Variants in PARP8 observed in about 807,000 individuals in gnomAD.
The protein encoded by PARP8 is poly(ADP-ribose) polymerase family member 8.
A neutral mutation model predicts 124.1 loss-of-function variants in PARP8; 51 were observed. The ratio of observed to expected loss-of-function variants is 0.41; its 90% CI spans 0.33 to 0.52. The LOEUF is 0.52. PARP8 is among the 20% of genes least tolerant of loss of function. The pLI is 0.21. For missense variants in PARP8, 860 were observed against 1,018.9 expected (o/e 0.84, Z 2.12); for synonymous variants, 391 against 361.5 (o/e 1.08, Z -0.93).
At chr5:50,825,144 ACT>A (rs1478955451) in intron 18 of PARP8, among the ~76,000 whole-genome samples, 169 bp downstream of exon 18, 1 of 152,092 alleles carries the variant, frequency 6.6e-6, no homozygotes, top group Non-Finnish European at 1.5e-5. Flanking sequence ...GTCCTTAATG[ACT>A]CTCACTTTAA....
rs149943672 is a variant in PARP8 at position 50,760,423 on chromosome 5, G to A, written c.345+61G>A. 5.9e-4 allele frequency: 718 copies of A among 1,219,480 alleles called. 3 individuals are homozygous for A. In the African/African-American group the frequency reaches 0.01, roughly 17 times the overall value. 75.5% of individuals were successfully genotyped at this position (1,219,480 alleles called of 1,614,324 possible). ...TATAGATATATTTAAAATTTACTGG[G>A]TTTTTGTAGTTAATAGCATCATTAG... On this transcript the variant is annotated intron_variant, in intron 5 of 25. Transcript: ENST00000281631.
At chr5:50,802,657 T>A (rs1335836131) in intron 14 of PARP8, among the ~76,000 whole-genome samples, 3 of 152,130 alleles carry the variant, frequency 2.0e-5, no homozygotes, top group African/African-American at 7.2e-5. Context: ...TAGTTTCAAC[T>A]CCACTCCCAG....
At chr5:50,838,215 A>G (rs751349577) in intron 25 of PARP8, among the ~76,000 whole-genome samples, 1 of 152,090 alleles carries the variant, frequency 6.6e-6, no homozygotes, top group Non-Finnish European at 1.5e-5. Context: ...TTATACATCA[A>G]AGAGACTCGA....
In PARP8 at chr5:50,739,224, C is replaced by T. The variant is rs141149138; in HGVS notation, c.147-10927C>T. 1.5e-3 allele frequency: 896 copies of T among 585,330 alleles called. 1 individual carries two copies. Among genetic ancestry groups the T allele is most frequent in the African/African-American group, 0.01 (550 of 54,964 alleles). 36.3% of individuals were successfully genotyped at this position (585,330 alleles called of 1,614,324 possible). A position where few individuals can be genotyped will look rare whatever the true frequency, so the allele number is the denominator to read the frequency against. ...GGATCTGTTATCCTGATGGCTTATC[C>T]AGTCATTCAGTCTTCCTCTCCACCT... On this transcript the variant is annotated intron_variant, in intron 2 of 25. Coordinates refer to ENST00000281631, the MANE Select transcript of PARP8 (RefSeq NM_024615.4).
At chr5:50,791,190 C>T (rs1741914003) in intron 10 of PARP8, among the ~76,000 whole-genome samples, 1 of 152,050 alleles carries the variant, frequency 6.6e-6, no homozygotes, top group South Asian at 2.1e-4. Flanking sequence ...TTTCAGACAG[C>T]AGAATAATTT....
At chr5:50,765,118 G>A (rs575975711) in intron 7 of PARP8, among the ~76,000 whole-genome samples, 11 of 151,870 alleles carry the variant, frequency 7.2e-5, no homozygotes, top group African/African-American at 1.7e-4. Context: ...AAAATTAGCC[G>A]GGCATGGTGA....
chr5:50,774,115 A>G (rs1384583111), intron 7 of PARP8, among the ~76,000 whole-genome samples: 2 of 152,176 alleles, frequency 1.3e-5, no homozygotes, highest in African/African-American at 4.8e-5. Context: ...TTTAACCCTG[A>G]GTTGACACAG....
chr5:50,816,798 T>G (rs1745154194), intron 15 of PARP8, among the ~76,000 whole-genome samples: 1 of 152,176 alleles, frequency 6.6e-6, no homozygotes, highest in East Asian at 1.9e-4. Flanking sequence ...AGAGGGTTAC[T>G]AAAATATATC....
intron 1 of PARP8, chr5:50,667,812 T>A: frequency 3.7e-6 from 4 of 1,084,168 alleles, no homozygotes; most frequent in Non-Finnish European, 4.1e-6. Context: ...TGAGGCTGCT[T>A]CCGGCCTCCC....
At position 50,709,922 on chromosome 5, in the gene PARP8, GTATATATATATA is replaced by G. The variant is rs200521595; in HGVS notation, c.147-40206_147-40195del. On this transcript the variant is annotated intron_variant, in intron 2 of 25. Coordinates refer to ENST00000281631, the MANE Select transcript of PARP8 (RefSeq NM_024615.4). ...TATGAGAATATGAGGTAGAAAGAGT[GTATATATATATA>G]TATATATATATATATATATATACAC... Among the ~76,000 whole-genome samples the G allele has an allele frequency of 4.2e-3, 398 of 93,924 alleles. 5 individuals carry two copies. Among genetic ancestry groups the G allele is most frequent in the African/African-American group, 0.012 (301 of 24,848 alleles). 61.6% of individuals were successfully genotyped at this position (93,924 alleles called of 152,430 possible).
At chr5:50,728,838 A>C (rs1056249717) in intron 2 of PARP8, among the ~76,000 whole-genome samples, 12 of 152,126 alleles carry the variant, frequency 7.9e-5, no homozygotes, top group African/African-American at 2.9e-4. Context: ...TTGTATAATA[A>C]ATATTTTAGA....
In PARP8 at chr5:50,846,139, A is replaced by G. The variant is rs139546427; in HGVS notation, c.*4071A>G. 3.4e-4 allele frequency: 52 copies of G among 151,890 alleles called. 1 individual carries two copies. The East Asian group carries it at 7.2e-3, about 21-fold the overall frequency. The allele number at this position is 151,890 out of a possible 1,614,324, so 9.4% of individuals were successfully genotyped here. On this transcript the variant is annotated 3_prime_UTR_variant, in exon 26 of 26. Transcript: ENST00000281631. ...TATAATTTAATGTTCTAAAAATAAT[A>G]TCTTCGATCTGCCCAATATTTAATG...
chr5:50,773,072 A>G (rs1761791707), intron 7 of PARP8, among the ~76,000 whole-genome samples: 2 of 152,112 alleles, frequency 1.3e-5, no homozygotes, highest in South Asian at 4.1e-4. Flanking sequence ...TGAGTTCCTT[A>G]TATATTCTTG....
chr5:50,705,437 A>G (rs1279150484), intron 2 of PARP8, among the ~76,000 whole-genome samples: 1 of 152,166 alleles, frequency 6.6e-6, no homozygotes, highest in Non-Finnish European at 1.5e-5. Flanking sequence ...TGGTAAAATA[A>G]GAAGATATAA....
rs770387579 is a variant in PARP8 at position 50,795,299 on chromosome 5, C to T, written c.1310C>T (p.Pro437Leu). The T allele has an allele frequency of 1.1e-5, 18 of 1,614,110 alleles. No homozygotes were observed. The highest frequency in any genetic ancestry group is 1.5e-5 in the Non-Finnish European group (18 of 1,180,012). ...KLLSKSYSSAPKSSKTELFKE... is the reference protein window; with the variant it reads ...KLLSKSYSSALKSSKTELFKE... ...CTCAGCAAGTCCTACTCCAGTGCCC[C>T]CAAGTCATCCAAAACTGAGCTTTTC... The change falls in exon 12 of 26, where the codon CCC becomes CTC. Residue 437 changes from proline to leucine, a missense_variant. By Grantham distance (98) the Pro-to-Leu change is moderately conservative. Transcript: ENST00000281631.
intron 1 of PARP8, chr5:50,667,590 T>A (rs1008827835): frequency 1.4e-6 from 1 of 699,336 alleles, no homozygotes; most frequent in Admixed American, 2.0e-5. Flanking sequence ...CCTGCTGCGC[T>A]GCGCTGCGCT....
At chr5:50,832,932 C>A in intron 23 of PARP8, 78 bp downstream of exon 23, 2 of 1,304,926 alleles carry the variant, frequency 1.5e-6, no homozygotes, top group Non-Finnish European at 2.2e-6. Flanking sequence ...GAAAAATAGG[C>A]TTTTTAAGTC....
intron 25 of PARP8, among the ~76,000 whole-genome samples, chr5:50,840,624 T>C (rs1420586539): frequency 6.6e-6 from 1 of 151,752 alleles, no homozygotes; most frequent in Admixed American, 6.6e-5. Flanking sequence ...TGGGTGATAG[T>C]TAAAACTTGA....
intron 2 of PARP8, among the ~76,000 whole-genome samples, chr5:50,719,650 A>C (rs752252738): frequency 6.6e-6 from 1 of 151,928 alleles, no homozygotes; most frequent in Admixed American, 6.6e-5. Context: ...GCATGGATTT[A>C]TTTCTGGGTT....
Sources: allele counts gnomAD v4.1 joint callset (sites outside exome capture counted in the v4.1 genomes callset), GRCh38; gene constraint gnomAD v4.1.1; transcripts MANE v1.5; gene names NCBI Gene and HGNC (gene_info 2026-07-23, HGNC 2026-07-21).